The following COMMD1 variants were observed in gnomAD, a reference collection of about 807,000 sequenced individuals.
COMMD1 encodes the protein COMM domain-containing protein 1.
A neutral mutation model predicts 17.2 loss-of-function variants in COMMD1; 10 were observed. The ratio of observed to expected loss-of-function variants is 0.58; its 90% CI spans 0.36 to 0.99. The LOEUF (loss-of-function observed/expected upper bound fraction) is 0.99, where lower values mean the gene tolerates loss of function less well. COMMD1 is among the 50% of genes least tolerant of loss of function. COMMD1 has a pLI of 0.01. For synonymous variants in COMMD1, 97 were observed against 91.6 expected (o/e 1.06, Z -0.34); for missense variants, 270 against 231.8 (o/e 1.17, Z -1.07).
chr2:62,008,896 G>T (rs1174396861), intron 2 of COMMD1, among the ~76,000 whole-genome samples: 2 of 151,984 alleles, frequency 1.3e-5, no homozygotes, highest in Non-Finnish European at 2.9e-5. Context: ...TGATTCTTCT[G>T]CCTCAGTCTC....
At chr2:62,064,234 C>T (rs574316831) in intron 2 of COMMD1, among the ~76,000 whole-genome samples, 4 of 152,022 alleles carry the variant, frequency 2.6e-5, no homozygotes, top group South Asian at 2.1e-4. Context: ...AGTGCAGTGG[C>T]GTGATCTCAG....
intron 1 of COMMD1, among the ~76,000 whole-genome samples, chr2:61,922,114 G>A (rs930817025): frequency 3.9e-5 from 6 of 152,062 alleles, no homozygotes; most frequent in Admixed American, 2.0e-4. Context: ...GTAGGTCTTC[G>A]TTTTATAATG....
rs545282464 is a variant in COMMD1 at position 62,086,654 on chromosome 2, AC to A, written c.463-49176del. ...TAAGACTTTACAAAAAACAATGGAC[AC>A]ACTACCATTTATTATTTATAACCTA... On this transcript the variant is annotated intron_variant, in intron 2 of 2. Coordinates refer to ENST00000311832, the MANE Select transcript of COMMD1 (RefSeq NM_152516.4). Among the ~76,000 whole-genome samples, 147 of 152,282 alleles carry A rather than the reference AC, an allele frequency of 9.7e-4. 1 individual carries two copies. The highest frequency in any genetic ancestry group is 3.5e-3 in the African/African-American group (146 of 41,542).
chr2:61,986,814 C>G (rs1270940672), intron 1 of COMMD1, among the ~76,000 whole-genome samples: 4 of 152,068 alleles, frequency 2.6e-5, no homozygotes, highest in African/African-American at 9.7e-5. Flanking sequence ...GGCAATCTGC[C>G]TGCCTTGGCC....
At chr2:62,090,009 T>C (rs1398818941) in intron 2 of COMMD1, among the ~76,000 whole-genome samples, 1 of 152,026 alleles carries the variant, frequency 6.6e-6, no homozygotes, top group Non-Finnish European at 1.5e-5. Flanking sequence ...GTGATTTGGA[T>C]CACTGGGAGA....
intron 2 of COMMD1, among the ~76,000 whole-genome samples, chr2:62,044,747 A>G (rs1356837920): frequency 1.3e-5 from 2 of 151,534 alleles, no homozygotes; most frequent in Admixed American, 1.3e-4. Context: ...GATGCATTCC[A>G]TTCCTTCTCC....
chr2:62,102,796 T>C (rs1258523227), intron 2 of COMMD1, among the ~76,000 whole-genome samples: 1 of 152,156 alleles, frequency 6.6e-6, no homozygotes, highest in Non-Finnish European at 1.5e-5. Context: ...CTTATTTGAC[T>C]GTAGGCCATA....
At position 62,002,861 on chromosome 2, in the gene COMMD1, TTAAA is replaced by T. The variant is rs1668990537; in HGVS notation, c.462+1882_462+1885del. ...GGAGACCCTGTTGCAAAAAAAAAAT[TTAAA>T]TATGGAATACCTTTTATTCAGTTAT... On this transcript the variant is annotated intron_variant, in intron 2 of 2. Transcript: ENST00000311832. Among the ~76,000 whole-genome samples the T allele has an allele frequency of 2.0e-5, 3 of 151,538 alleles. No individual in the cohort carries two copies. The South Asian group carries it at 6.2e-4, about 32-fold the overall frequency.
intron 2 of COMMD1, among the ~76,000 whole-genome samples, chr2:62,048,563 A>G (rs903829925): frequency 6.6e-6 from 1 of 152,168 alleles, no homozygotes; most frequent in Non-Finnish European, 1.5e-5. Flanking sequence ...ATGGTCATGC[A>G]AGAATGAGGT....
chr2:61,923,304 GATAA>G (rs997013313), intron 1 of COMMD1, among the ~76,000 whole-genome samples: 2 of 152,052 alleles, frequency 1.3e-5, no homozygotes, highest in African/African-American at 4.8e-5. Flanking sequence ...TTAGTCAGGT[GATAA>G]ATAGTGCTTA....
chr2:61,920,077 G>T lies in COMMD1; in HGVS notation c.180+14219G>T, dbSNP rs202150156. Among the ~76,000 whole-genome samples the T allele has an allele frequency of 3.3e-5, 5 of 152,278 alleles. No individual in the cohort carries two copies. The East Asian group carries it at 7.7e-4, about 23-fold the overall frequency. ...CCCAGAGGTTGAGGATGTGCAGGAG[G>T]ATCACTTGAAAAAGATCTAGTACAG... is the stretch of plus-strand genomic sequence containing the variant. On this transcript the variant is annotated intron_variant, in intron 1 of 2. Coordinates refer to ENST00000311832, the MANE Select transcript of COMMD1 (RefSeq NM_152516.4).
intron 1 of COMMD1, among the ~76,000 whole-genome samples, chr2:61,956,052 A>G (rs1375016157): frequency 1.3e-5 from 2 of 152,226 alleles, no homozygotes; most frequent in Non-Finnish European, 2.9e-5. Context: ...TGTAGCACAT[A>G]AACAGATACA....
chr2:62,114,684 T>C (rs1672541013), intron 2 of COMMD1, among the ~76,000 whole-genome samples: 1 of 152,126 alleles, frequency 6.6e-6, no homozygotes, highest in African/African-American at 2.4e-5. Flanking sequence ...GTCTTGTTTG[T>C]GTTTGGTGCC....
chr2:61,931,782 G>A (rs1459557223), intron 1 of COMMD1, among the ~76,000 whole-genome samples: 1 of 152,130 alleles, frequency 6.6e-6, no homozygotes, highest in African/African-American at 2.4e-5. Flanking sequence ...CACAAATTAT[G>A]GTATATCAGT....
At chr2:62,067,790 T>C (rs559085062) in intron 2 of COMMD1, among the ~76,000 whole-genome samples, 3 of 152,296 alleles carry the variant, frequency 2.0e-5, no homozygotes, top group South Asian at 2.1e-4. Context: ...ACCTGTCACT[T>C]TGAGGATCTT....
rs202010541 is a variant in COMMD1, at chr2:62,124,654, ATTC to A, written c.463-11174_463-11172del. On this transcript the variant is annotated intron_variant, in intron 2 of 2. Coordinates refer to ENST00000311832, the MANE Select transcript of COMMD1 (RefSeq NM_152516.4). ...AACCTCCGCCTCCTGGGTTCAAGTG[ATTC>A]TTGTGCTTCAGCCACATGAGTAGCT... is the stretch of plus-strand genomic sequence containing the variant. 4.9e-3 allele frequency among the ~76,000 whole-genome samples: 746 copies of A among 152,084 alleles called. 9 individuals carry two copies. Among genetic ancestry groups the A allele is most frequent in the African/African-American group, 0.016 (677 of 41,470 alleles).
At chr2:62,057,051 C>G (rs912794142) in intron 2 of COMMD1, among the ~76,000 whole-genome samples, 1 of 152,120 alleles carries the variant, frequency 6.6e-6, no homozygotes, top group Non-Finnish European at 1.5e-5. Context: ...CAACACACTT[C>G]GAGTATCACT....
chr2:61,975,557 A>G (rs1056323566), intron 1 of COMMD1, among the ~76,000 whole-genome samples: 1 of 152,078 alleles, frequency 6.6e-6, no homozygotes, highest in East Asian at 1.9e-4. Flanking sequence ...GCATCTATTG[A>G]TAGAATTATA....
At chr2:62,022,052 T>A (rs1158862597) in intron 2 of COMMD1, among the ~76,000 whole-genome samples, 1 of 152,184 alleles carries the variant, frequency 6.6e-6, no homozygotes, top group Non-Finnish European at 1.5e-5. Context: ...CAAATCTGAT[T>A]CATGAAGATT....
Sources: gnomAD v4.1 joint callset for allele counts (sites outside exome capture counted in the v4.1 genomes callset) on GRCh38, gnomAD v4.1.1 for gene constraint, MANE v1.5 for transcripts, NCBI Gene and HGNC (gene_info 2026-07-23, HGNC 2026-07-21) for gene names.